The following NKAIN2 variants were observed in gnomAD, a reference collection of about 807,000 sequenced individuals.
The protein encoded by NKAIN2 is sodium/potassium transporting ATPase interacting 2.
A neutral mutation model predicts 32.6 loss-of-function variants in NKAIN2; 14 were observed. That is an observed-to-expected ratio of 0.43 (90% CI 0.28 to 0.67). The LOEUF is 0.67. Ranked by LOEUF, NKAIN2 falls within the 30% of genes least tolerant of loss-of-function variation. NKAIN2 has a pLI of 0.17. For synonymous variants in NKAIN2, 80 were observed against 87.2 expected, an observed-to-expected ratio of 0.92 and a Z score of 0.46; for missense variants, 198 against 258.3, an observed-to-expected ratio of 0.77 and a Z score of 1.60.
chr6:124,408,513 G>A (rs141760239), intron 3 of NKAIN2, among the ~76,000 whole-genome samples: 24,313 of 152,058 alleles, frequency 0.16, 2,235 homozygotes, highest in East Asian at 0.24. Context: ...TTGTAGATAT[G>A]CGGCATTATT....
intron 1 of NKAIN2, among the ~76,000 whole-genome samples, chr6:124,150,049 C>T (rs1032739930): frequency 1.3e-5 from 2 of 152,106 alleles, no homozygotes; most frequent in Admixed American, 6.6e-5. Flanking sequence ...TTCCCCCACC[C>T]TCCCTTGTAC....
chr6:124,117,633 C>T (rs180684363), intron 1 of NKAIN2, among the ~76,000 whole-genome samples: 6 of 151,664 alleles, frequency 4.0e-5, no homozygotes, highest in African/African-American at 1.5e-4. Flanking sequence ...GCACATGTAC[C>T]CTAAAACTTA....
intron 3 of NKAIN2, among the ~76,000 whole-genome samples, chr6:124,625,838 GAGTCAAAC>G: frequency 6.6e-6 from 1 of 150,788 alleles, no homozygotes; most frequent in East Asian, 1.9e-4. Context: ...TCAAATGCCA[GAGTCAAAC>G]AGTGTGTTTC....
chr6:124,209,679 G>C (rs1191445467), intron 1 of NKAIN2, among the ~76,000 whole-genome samples: 1 of 151,892 alleles, frequency 6.6e-6, no homozygotes, highest in African/African-American at 2.4e-5. Flanking sequence ...TCACATTGTA[G>C]TTGTGATTTT....
chr6:124,048,076 T>C (rs1782226998), intron 1 of NKAIN2, among the ~76,000 whole-genome samples: 1 of 152,046 alleles, frequency 6.6e-6, no homozygotes, highest in South Asian at 2.1e-4. Context: ...GGATTAAACA[T>C]CAGACTTTCC....
intron 3 of NKAIN2, among the ~76,000 whole-genome samples, chr6:124,471,225 T>G (rs1776960102): frequency 1.3e-5 from 2 of 152,328 alleles, no homozygotes; most frequent in South Asian, 4.1e-4. Context: ...AATTTTGATA[T>G]ATTTTGTTTT....
chr6:123,918,084 T>C (rs376278144), intron 1 of NKAIN2, among the ~76,000 whole-genome samples: 26 of 152,302 alleles, frequency 1.7e-4, no homozygotes, highest in East Asian at 1.2e-3. Flanking sequence ...CTTGAGTACA[T>C]TCTTGTTTAT....
Position 124,823,455 on chromosome 6 carries a change from A to G in NKAIN2, c.*226A>G. On this transcript the variant is annotated 3_prime_UTR_variant, in exon 7 of 7. Transcript: ENST00000368417. ...CTCCTCTTTCTAACTGAAACAGACA[A>G]ATATGCAGGACACGCCCATCTTGGA... 1 of 507,146 alleles carries G rather than the reference A, an allele frequency of 2.0e-6. No individual in the cohort carries two copies. Among genetic ancestry groups the G allele is most frequent in the Non-Finnish European group, 3.5e-6 (1 of 284,330 alleles). 31.4% of individuals were successfully genotyped at this position (507,146 alleles called of 1,614,324 possible).
intron 4 of NKAIN2, among the ~76,000 whole-genome samples, chr6:124,755,522 A>G (rs1247995445): frequency 6.6e-6 from 1 of 152,188 alleles, no homozygotes; most frequent in East Asian, 1.9e-4. Flanking sequence ...ATGGAATACT[A>G]TGCAGCCATA....
At chr6:124,664,503 G>A (rs1772674737) in intron 4 of NKAIN2, among the ~76,000 whole-genome samples, 1 of 151,742 alleles carries the variant, frequency 6.6e-6, no homozygotes. Context: ...CCTATACATA[G>A]ATATTTTCTG....
intron 1 of NKAIN2, among the ~76,000 whole-genome samples, chr6:124,215,429 T>C (rs974249963): frequency 1.3e-5 from 2 of 152,162 alleles, no homozygotes; most frequent in African/African-American, 2.4e-5. Context: ...GGCCCAATCC[T>C]TATGTGCTGT....
At chr6:124,303,663 A>G (rs567699099) in intron 2 of NKAIN2, among the ~76,000 whole-genome samples, 2 of 152,390 alleles carry the variant, frequency 1.3e-5, no homozygotes, top group South Asian at 2.1e-4. Context: ...GTTAGCACCC[A>G]AGATGGAGTT....
intron 1 of NKAIN2, among the ~76,000 whole-genome samples, chr6:123,940,947 G>T (rs1776788383): frequency 6.6e-6 from 1 of 151,766 alleles, no homozygotes; most frequent in East Asian, 1.9e-4. Flanking sequence ...TTGTAATAAA[G>T]TTTAGCTTAA....
chr6:124,053,048 G>T (rs1464604796), intron 1 of NKAIN2, among the ~76,000 whole-genome samples: 1 of 151,880 alleles, frequency 6.6e-6, no homozygotes, highest in Non-Finnish European at 1.5e-5. Context: ...CTAAGGTGTG[G>T]TAAGAAGCAA....
intron 1 of NKAIN2, among the ~76,000 whole-genome samples, chr6:123,985,374 T>G (rs550006054): frequency 6.6e-6 from 1 of 152,280 alleles, no homozygotes; most frequent in Non-Finnish European, 1.5e-5. Context: ...CACTCCAGCC[T>G]GGGCAACAAG....
intron 1 of NKAIN2, among the ~76,000 whole-genome samples, chr6:123,942,418 T>C (rs1307036084): frequency 6.6e-6 from 1 of 152,022 alleles, no homozygotes; most frequent in Non-Finnish European, 1.5e-5. Flanking sequence ...AAACCCTTTT[T>C]AAAAAATTGT....
intron 3 of NKAIN2, among the ~76,000 whole-genome samples, chr6:124,419,625 A>C (rs1475748677): frequency 6.6e-6 from 1 of 152,192 alleles, no homozygotes; most frequent in Non-Finnish European, 1.5e-5. Flanking sequence ...TTAGAAAGCA[A>C]CAAGTTCATA....
Position 123,887,633 on chromosome 6 carries a change from G to T in NKAIN2, c.54+83379G>T, listed in dbSNP as rs576275608. ...ATTGTAAATACATTGAAGGTGAAAAGCTCTAAATTATAGAATATTAGAGGA... is the reference window on the plus strand; with the variant it reads ...ATTGTAAATACATTGAAGGTGAAAATCTCTAAATTATAGAATATTAGAGGA... On this transcript the variant is annotated intron_variant, in intron 1 of 6. Transcript: ENST00000368417. Among the ~76,000 whole-genome samples the T allele has an allele frequency of 3.9e-5, 6 of 152,216 alleles. No homozygotes were observed. The South Asian group carries it at 1.0e-3, about 26-fold the overall frequency.
intron 1 of NKAIN2, among the ~76,000 whole-genome samples, chr6:124,126,047 G>C (rs1786148632): frequency 6.6e-6 from 1 of 151,924 alleles, no homozygotes; most frequent in Admixed American, 6.6e-5. Flanking sequence ...TAATTATCTG[G>C]CTTCTCGGGT....
Sources: allele counts gnomAD v4.1 joint callset (sites outside exome capture counted in the v4.1 genomes callset), GRCh38; gene constraint gnomAD v4.1.1; transcripts MANE v1.5; gene names NCBI Gene and HGNC (gene_info 2026-07-23, HGNC 2026-07-21).